Variants in HS6ST3 observed in about 807,000 individuals in gnomAD.
HS6ST3 encodes heparan sulfate 6-O-sulfotransferase 3.
Under a neutral mutation model 36.7 loss-of-function variants are expected in HS6ST3, and 12 were observed. The observed-to-expected ratio is 0.33, with a 90% CI of 0.21 to 0.53. HS6ST3 has a LOEUF of 0.53. HS6ST3 is among the 20% of genes least tolerant of loss of function. The probability of loss-of-function intolerance (pLI) is 0.95; values close to 1 mark genes in which losing one functional copy is unlikely to be tolerated. For missense variants in HS6ST3, 584 were observed against 640.9 expected (o/e 0.91, Z 0.96); for synonymous variants, 240 against 257.5 (o/e 0.93, Z 0.65).
intron 1 of HS6ST3, among the ~76,000 whole-genome samples, chr13:96,136,016 T>C (rs950153433): frequency 6.6e-6 from 1 of 152,182 alleles, no homozygotes; most frequent in Non-Finnish European, 1.5e-5. Flanking sequence ...ATGAATCTTC[T>C]GATTGGCCAC....
intron 1 of HS6ST3, among the ~76,000 whole-genome samples, chr13:96,814,738 C>T (rs115275829): frequency 1.7e-3 from 259 of 151,918 alleles, no homozygotes; most frequent in African/African-American, 4.4e-3. Context: ...GACAAGTTGC[C>T]GGGTCCCCAC....
chr13:96,302,311 G>A lies in HS6ST3; in HGVS notation c.707+210742G>A, dbSNP rs148903317. On this transcript the variant is annotated intron_variant, in intron 1 of 1. Transcript: ENST00000376705. ...GTTATTCATAGTAGCATAACAATTG[G>A]AAATTAAAAAATTGTATTAAGGGAC... Among the ~76,000 whole-genome samples, 110 of 151,890 alleles carry A rather than the reference G, an allele frequency of 7.2e-4. 2 individuals carry two copies. Among genetic ancestry groups the A allele is most frequent in the African/African-American group, 2.5e-3 (105 of 41,270 alleles).
chr13:96,162,216 G>A (rs1261866527), intron 1 of HS6ST3, among the ~76,000 whole-genome samples: 3 of 152,064 alleles, frequency 2.0e-5, no homozygotes, highest in South Asian at 4.1e-4. Context: ...CGTGGTAGAC[G>A]GATTCATAAG....
intron 1 of HS6ST3, among the ~76,000 whole-genome samples, chr13:96,645,864 A>G (rs79807515): frequency 0.023 from 3,568 of 152,010 alleles, 57 homozygotes; most frequent in Middle Eastern, 0.037. Flanking sequence ...AAAATAGTTT[A>G]TAAACAATTT....
At chr13:96,803,471 G>A (rs1220726125) in intron 1 of HS6ST3, among the ~76,000 whole-genome samples, 1 of 152,172 alleles carries the variant, frequency 6.6e-6, no homozygotes, top group Non-Finnish European at 1.5e-5. Flanking sequence ...CTAGGGTATT[G>A]TTAGGAAATA....
intron 1 of HS6ST3, among the ~76,000 whole-genome samples, chr13:96,806,691 T>A (rs1248335324): frequency 6.6e-6 from 1 of 152,230 alleles, no homozygotes; most frequent in African/African-American, 2.4e-5. Context: ...GACTCTTCAG[T>A]ATTTCTGTTA....
intron 1 of HS6ST3, among the ~76,000 whole-genome samples, chr13:96,740,699 C>T (rs768356931): frequency 5.9e-5 from 9 of 152,092 alleles, no homozygotes; most frequent in Non-Finnish European, 1.2e-4. Context: ...TTCTCTCATG[C>T]CATTGCTTTA....
intron 1 of HS6ST3, among the ~76,000 whole-genome samples, chr13:96,598,713 G>T (rs895808408): frequency 6.6e-6 from 1 of 152,132 alleles, no homozygotes; most frequent in Non-Finnish European, 1.5e-5. Flanking sequence ...GAGCTATGTT[G>T]TGTAGAAGTG....
At chr13:96,363,831 A>G (rs1327735732) in intron 1 of HS6ST3, among the ~76,000 whole-genome samples, 1 of 152,194 alleles carries the variant, frequency 6.6e-6, no homozygotes, top group Non-Finnish European at 1.5e-5. Context: ...CTATTCAGCA[A>G]GTTTCAGGGC....
chr13:96,699,019 A>G (rs1301710802), intron 1 of HS6ST3, among the ~76,000 whole-genome samples: 2 of 152,234 alleles, frequency 1.3e-5, no homozygotes, highest in East Asian at 3.8e-4. Context: ...CTATTTAATA[A>G]ATGCTGCTGG....
chr13:96,413,136 A>G (rs2055516292), intron 1 of HS6ST3, among the ~76,000 whole-genome samples: 2 of 152,136 alleles, frequency 1.3e-5, no homozygotes, highest in South Asian at 4.1e-4. Context: ...GCCTTTTTGA[A>G]GGGATGCTTT....
intron 1 of HS6ST3, among the ~76,000 whole-genome samples, chr13:96,304,916 G>T (rs540688944): frequency 6.6e-6 from 1 of 151,556 alleles, no homozygotes; most frequent in African/African-American, 2.4e-5. Context: ...TCACCATATT[G>T]GCCAGGCTGG....
chr13:96,674,674 T>G (rs977785833), intron 1 of HS6ST3, among the ~76,000 whole-genome samples: 5 of 152,118 alleles, frequency 3.3e-5, no homozygotes, highest in Admixed American at 6.6e-5. Context: ...AAAGTAAATA[T>G]CCCTTATTCA....
At chr13:96,718,501 T>A (rs956628054) in intron 1 of HS6ST3, among the ~76,000 whole-genome samples, 4 of 152,152 alleles carry the variant, frequency 2.6e-5, no homozygotes, top group Admixed American at 1.3e-4. Flanking sequence ...AAAAAAGAAA[T>A]TGGATGCTGA....
Position 96,833,202 on chromosome 13 carries a change from C to T in HS6ST3, c.*4C>T, listed in dbSNP as rs1388782024. 4 of 1,525,528 alleles carry T rather than the reference C, an allele frequency of 2.6e-6. No individual in the cohort carries two copies. The highest frequency in any genetic ancestry group is 3.5e-6 in the Non-Finnish European group (4 of 1,144,916). 94.5% of individuals were successfully genotyped at this position (1,525,528 alleles called of 1,614,324 possible). On this transcript the variant is annotated 3_prime_UTR_variant, in exon 2 of 2. Coordinates refer to ENST00000376705, the MANE Select transcript of HS6ST3 (RefSeq NM_153456.4). ...CAGCCAGGTGGTGAGATGGTGACCTCCTGCCCTCTCCTCTCTCAGGAGGGG... is the reference window on the plus strand; with the variant it reads ...CAGCCAGGTGGTGAGATGGTGACCTTCTGCCCTCTCCTCTCTCAGGAGGGG...
chr13:96,561,770 T>TA (rs2056263221), intron 1 of HS6ST3, among the ~76,000 whole-genome samples: 2 of 152,002 alleles, frequency 1.3e-5, no homozygotes, highest in East Asian at 3.9e-4. Flanking sequence ...AGCAAACATA[T>TA]AAAAAATGCT....
At chr13:96,524,146 G>T (rs1250099918) in intron 1 of HS6ST3, among the ~76,000 whole-genome samples, 3 of 152,130 alleles carry the variant, frequency 2.0e-5, no homozygotes, top group African/African-American at 7.2e-5. Flanking sequence ...TTTGCCAGAG[G>T]TTCACTCCAG....
chr13:96,823,507 G>A (rs758169387), intron 1 of HS6ST3, among the ~76,000 whole-genome samples: 169 of 152,206 alleles, frequency 1.1e-3, no homozygotes, highest in Non-Finnish European at 2.2e-3. Context: ...TAAATATGTT[G>A]TGCATTATGA....
At chr13:96,314,570 T>C (rs2054958860) in intron 1 of HS6ST3, among the ~76,000 whole-genome samples, 1 of 152,292 alleles carries the variant, frequency 6.6e-6, no homozygotes, top group South Asian at 2.1e-4. Flanking sequence ...CTATATGTCT[T>C]TGGAGAGGGT....
Sources: gnomAD v4.1 joint callset for allele counts (sites outside exome capture counted in the v4.1 genomes callset) on GRCh38, gnomAD v4.1.1 for gene constraint, MANE v1.5 for transcripts, NCBI Gene and HGNC (gene_info 2026-07-23, HGNC 2026-07-21) for gene names.